Variants in BBX observed in about 807,000 individuals in gnomAD.
BBX encodes the protein HMG box transcription factor BBX.
BBX carries 30 observed loss-of-function variants against 100.2 expected under a neutral mutation model. That is an observed-to-expected ratio of 0.30 (90% CI 0.22 to 0.41). BBX has a LOEUF of 0.41. Ranked by LOEUF, BBX falls within the 10% of genes least tolerant of loss-of-function variation. The pLI is 1.00. For synonymous variants in BBX, 376 were observed against 388.1 expected (o/e 0.97, Z 0.37); for missense variants, 1,023 against 1,129.8 (o/e 0.91, Z 1.35).
chr3:107,792,242 CA>C (rs2069137351), intron 15 of BBX, among the ~76,000 whole-genome samples: 1 of 152,134 alleles, frequency 6.6e-6, no homozygotes, highest in African/African-American at 2.4e-5. Context: ...AAAGAGCTGA[CA>C]TTTTTGTAGG....
intron 2 of BBX, among the ~76,000 whole-genome samples, chr3:107,527,626 G>T (rs2047874197): frequency 6.6e-6 from 1 of 152,108 alleles, no homozygotes; most frequent in Non-Finnish European, 1.5e-5. Flanking sequence ...TAGATAATCT[G>T]TATATGTTTT....
intron 3 of BBX, 56 bp from the exon 4 acceptor site, chr3:107,710,396 G>C: frequency 7.2e-7 from 1 of 1,385,854 alleles, no homozygotes; most frequent in East Asian, 2.4e-5. Flanking sequence ...GATTTATCTC[G>C]GTGTCTCTCT....
chr3:107,714,141 A>G (rs1367649309), intron 4 of BBX, among the ~76,000 whole-genome samples: 1 of 151,328 alleles, frequency 6.6e-6, no homozygotes, highest in African/African-American at 2.4e-5. Context: ...ACTCCTGGCT[A>G]ACTTTTGTGT....
intron 2 of BBX, among the ~76,000 whole-genome samples, chr3:107,615,962 C>T (rs1240252561): frequency 1.4e-5 from 2 of 146,332 alleles, no homozygotes; most frequent in Admixed American, 1.4e-4. Flanking sequence ...GCAGTCCCCA[C>T]CCATGGAATG....
intron 3 of BBX, among the ~76,000 whole-genome samples, chr3:107,699,952 T>C (rs549534685): frequency 7.9e-5 from 12 of 152,104 alleles, no homozygotes; most frequent in South Asian, 4.1e-4. Context: ...GCAAGAATAT[T>C]AGGAACCAGG....
At chr3:107,559,413 GACTGA>G (rs1247243014) in intron 2 of BBX, among the ~76,000 whole-genome samples, 2 of 152,178 alleles carry the variant, frequency 1.3e-5, no homozygotes, top group Non-Finnish European at 2.9e-5. Context: ...GAAGTTGGGG[GACTGA>G]AGGAGAGGGA....
rs376605489 is a variant in BBX at position 107,791,311 on chromosome 3, A to C, written c.2353+12A>C. On this transcript the variant is annotated intron_variant, in intron 15 of 17. Coordinates refer to ENST00000325805, the MANE Select transcript of BBX (RefSeq NM_001142568.3). Reference sequence around the variant, plus strand: ...TCACCCTACAGAAGGTAAGACAAGCAATGTTATTTAATTTGAGACAATCGG... The same window carrying C: ...TCACCCTACAGAAGGTAAGACAAGCCATGTTATTTAATTTGAGACAATCGG... 3.7e-6 allele frequency: 6 copies of C among 1,606,992 alleles called. No homozygotes were observed. The highest frequency in any genetic ancestry group is 5.1e-6 in the Non-Finnish European group (6 of 1,174,368).
chr3:107,768,078 G>C (rs922832201), intron 10 of BBX, among the ~76,000 whole-genome samples: 2 of 152,132 alleles, frequency 1.3e-5, no homozygotes, highest in Admixed American at 1.3e-4. Flanking sequence ...GTGGCTTTCT[G>C]CTGTCACTAA....
At chr3:107,674,210 C>CCAAA in intron 3 of BBX, among the ~76,000 whole-genome samples, 3 of 152,146 alleles carry the variant, frequency 2.0e-5, no homozygotes, top group African/African-American at 7.2e-5. Flanking sequence ...GAAATTCTGA[C>CCAAA]TATGTAACTA....
At chr3:107,565,595 G>A (rs150481126) in intron 2 of BBX, among the ~76,000 whole-genome samples, 1,540 of 151,222 alleles carry the variant, frequency 0.01, 8 homozygotes, top group Non-Finnish European at 0.016. Flanking sequence ...TCAGCCTTCC[G>A]AGTAGCTGGG....
chr3:107,800,684 A>G (rs1213960179), intron 16 of BBX, among the ~76,000 whole-genome samples: 4 of 152,220 alleles, frequency 2.6e-5, no homozygotes, highest in Non-Finnish European at 5.9e-5. Context: ...AAGTTGCCAT[A>G]GTAGGGCATG....
chr3:107,808,811 C>CT lies in BBX; in HGVS notation c.*3359dup, dbSNP rs1292604801. On this transcript the variant is annotated 3_prime_UTR_variant, in exon 18 of 18. Transcript: ENST00000325805. ...ATTCTACTGTTGTAATTCCGATAGT[C>CT]TTTTTCCCACAAATATCAGAAATAT... The CT allele has an allele frequency of 6.6e-6, 1 of 152,170 alleles. No homozygotes were observed. The highest frequency in any genetic ancestry group is 1.5e-5 in the Non-Finnish European group (1 of 68,028). The allele number at this position is 152,170 out of a possible 1,614,324, so 9.4% of individuals were successfully genotyped here. A position where few individuals can be genotyped will look rare whatever the true frequency, so the allele number is the denominator to read the frequency against.
At chr3:107,633,068 G>C (rs927091118) in intron 2 of BBX, among the ~76,000 whole-genome samples, 5 of 152,072 alleles carry the variant, frequency 3.3e-5, no homozygotes, top group Admixed American at 3.3e-4. Context: ...TATTTGTACA[G>C]TTAATGAGTA....
intron 2 of BBX, among the ~76,000 whole-genome samples, chr3:107,584,101 ATATTATATAT>A (rs1323356132): frequency 8.3e-5 from 1 of 12,074 alleles, no homozygotes; most frequent in African/African-American, 2.9e-4. Context: ...TATATTATAT[ATATTATATAT>A]TATATATAAT....
At chr3:107,616,446 T>C (rs1167709881) in intron 2 of BBX, among the ~76,000 whole-genome samples, 2 of 152,156 alleles carry the variant, frequency 1.3e-5, no homozygotes, top group Non-Finnish European at 2.9e-5. Context: ...TTGTTTTTGT[T>C]TTAAAGAAAC....
chr3:107,532,978 GT>G (rs200723317), intron 2 of BBX, among the ~76,000 whole-genome samples: 7 of 149,652 alleles, frequency 4.7e-5, no homozygotes, highest in Non-Finnish European at 8.9e-5. Context: ...AAAACTAAAA[GT>G]TTTTTTTTTC....
chr3:107,579,184 T>C (rs1047532045), intron 2 of BBX, among the ~76,000 whole-genome samples: 4 of 152,228 alleles, frequency 2.6e-5, no homozygotes, highest in African/African-American at 9.6e-5. Context: ...TATTGTTTTA[T>C]TATACTGCTT....
At chr3:107,536,102 A>G (rs2048474672) in intron 2 of BBX, among the ~76,000 whole-genome samples, 1 of 152,250 alleles carries the variant, frequency 6.6e-6, no homozygotes, top group African/African-American at 2.4e-5. Flanking sequence ...AGGGTCAGTC[A>G]GCAGTTCTAA....
At chr3:107,588,735 A>C (rs1697691) in intron 2 of BBX, among the ~76,000 whole-genome samples, 49,958 of 152,002 alleles carry the variant, frequency 0.33, 8,629 homozygotes, top group Middle Eastern at 0.39. Flanking sequence ...CTAAAACTGA[A>C]ATAAGTGAAT....
Sources: allele counts gnomAD v4.1 joint callset (sites outside exome capture counted in the v4.1 genomes callset), GRCh38; gene constraint gnomAD v4.1.1; transcripts MANE v1.5; gene names NCBI Gene and HGNC (gene_info 2026-07-23, HGNC 2026-07-21).